Variants in MAGI2 observed in about 807,000 individuals in gnomAD.
MAGI2 encodes membrane-associated guanylate kinase, WW and PDZ domain-containing protein 2.
Under a neutral mutation model 133.3 loss-of-function variants are expected in MAGI2, and 35 were observed. The ratio of observed to expected loss-of-function variants is 0.26; its 90% CI spans 0.20 to 0.35. The LOEUF (loss-of-function observed/expected upper bound fraction) is 0.35. Among genes scored for constraint, MAGI2 ranks in the 10% least tolerant of loss-of-function variants. MAGI2 has a pLI of 1.00. For missense variants in MAGI2, 1,636 were observed against 1,863.4 expected, an observed-to-expected ratio of 0.88 and a Z score of 2.25; for synonymous variants, 729 against 710.6, an observed-to-expected ratio of 1.03 and a Z score of -0.41.
chr7:79,251,381 A>C (rs1833256470), intron 1 of MAGI2, among the ~76,000 whole-genome samples: 1 of 152,098 alleles, frequency 6.6e-6, no homozygotes, highest in Admixed American at 6.6e-5. Context: ...AGTTCAAACA[A>C]CTCTATAGAA....
chr7:78,311,340 A>T (rs1056315373), intron 9 of MAGI2, among the ~76,000 whole-genome samples: 1 of 152,218 alleles, frequency 6.6e-6, no homozygotes, highest in Non-Finnish European at 1.5e-5. Context: ...GCAGAATTTC[A>T]AGGAGAATTG....
intron 1 of MAGI2, among the ~76,000 whole-genome samples, chr7:79,062,227 G>A (rs767484498): frequency 2.0e-5 from 3 of 152,000 alleles, no homozygotes; most frequent in Non-Finnish European, 4.4e-5. Context: ...TGATTCCAAT[G>A]CCACAGCTCA....
At chr7:79,396,444 T>G (rs1485851694) in intron 1 of MAGI2, among the ~76,000 whole-genome samples, 1 of 152,154 alleles carries the variant, frequency 6.6e-6, no homozygotes, top group East Asian at 1.9e-4. Context: ...GAATAAAATG[T>G]AAGGAGGCAC....
At chr7:79,224,688 C>T (rs1323892549) in intron 1 of MAGI2, among the ~76,000 whole-genome samples, 1 of 150,856 alleles carries the variant, frequency 6.6e-6, no homozygotes, top group Non-Finnish European at 1.5e-5. Flanking sequence ...CTCTCATATG[C>T]TTTACGCTAA....
intron 6 of MAGI2, among the ~76,000 whole-genome samples, chr7:78,473,838 T>C (rs1360449842): frequency 6.6e-6 from 1 of 151,750 alleles, no homozygotes; most frequent in Admixed American, 6.6e-5. Flanking sequence ...ACAGACCAAA[T>C]GAAAAAGCCC....
At chr7:78,322,756 T>TA (rs574894297) in intron 9 of MAGI2, among the ~76,000 whole-genome samples, 90 of 151,482 alleles carry the variant, frequency 5.9e-4, no homozygotes, top group Middle Eastern at 3.4e-3. Context: ...ATTTAATGTA[T>TA]AAAAAAAAAT....
chr7:78,602,591 G>A (rs1373483030), intron 3 of MAGI2, among the ~76,000 whole-genome samples: 1 of 151,920 alleles, frequency 6.6e-6, no homozygotes, highest in Non-Finnish European at 1.5e-5. Context: ...TTATCTAAGA[G>A]CATTAAAAAA....
At chr7:79,119,469 A>G (rs781277892) in intron 1 of MAGI2, among the ~76,000 whole-genome samples, 9 of 152,122 alleles carry the variant, frequency 5.9e-5, no homozygotes, top group Non-Finnish European at 1.2e-4. Flanking sequence ...GTTCAGATGA[A>G]TCAATCCAAG....
chr7:78,469,987 G>A (rs1403856640), intron 6 of MAGI2, among the ~76,000 whole-genome samples: 4 of 152,160 alleles, frequency 2.6e-5, no homozygotes, highest in East Asian at 3.9e-4. Flanking sequence ...ATGTGGCTTC[G>A]CTAAATGCCG....
intron 2 of MAGI2, among the ~76,000 whole-genome samples, chr7:78,899,317 T>C (rs1797434666): frequency 6.6e-6 from 1 of 152,190 alleles, no homozygotes. Flanking sequence ...GTTGGTTATA[T>C]ATACTTAAAT....
At chr7:79,048,061 C>G (rs1812340037) in intron 1 of MAGI2, among the ~76,000 whole-genome samples, 1 of 152,082 alleles carries the variant, frequency 6.6e-6, no homozygotes, top group Non-Finnish European at 1.5e-5. Context: ...CTTGGCATGT[C>G]CTTTGTTTTA....
chr7:78,876,321 C>CAAAAAAAAAAA lies in MAGI2; in HGVS notation c.418+130758_418+130768dup, dbSNP rs57950337. Among the ~76,000 whole-genome samples the CAAAAAAAAAAA allele has an allele frequency of 3.6e-3, 288 of 79,646 alleles. 9 individuals are homozygous for CAAAAAAAAAAA. Among genetic ancestry groups the CAAAAAAAAAAA allele is most frequent in the Non-Finnish European group, 4.7e-3 (193 of 40,882 alleles). The allele number at this position is 79,646 out of a possible 152,430, so 52.3% of individuals were successfully genotyped here. On this transcript the variant is annotated intron_variant, in intron 2 of 21. Transcript: ENST00000354212. ...CGGGTGACAGAGCAAGACTCCGTCT[C>CAAAAAAAAAAA]AAAAAAAAAAAAAAAAAAAAATTGG...
chr7:79,052,989 T>C (rs1334999426), intron 1 of MAGI2, among the ~76,000 whole-genome samples: 2 of 152,078 alleles, frequency 1.3e-5, no homozygotes, highest in East Asian at 1.9e-4. Flanking sequence ...AGAGGCAACA[T>C]GAACTACTCT....
At chr7:79,413,988 G>A (rs10238676) in intron 1 of MAGI2, 44 of 152,122 alleles carry the variant, frequency 2.9e-4, no homozygotes, top group African/African-American at 9.7e-4. Flanking sequence ...AACCCAGGGA[G>A]AGAAATCCTG....
rs189158488 is a variant in MAGI2, at chr7:78,237,750, T to C, written c.2047+18193A>G. The stretch of plus-strand genomic sequence containing the variant: ...AAATAAAGATCACCCAGGATAATAA[T>C]GAAGAGACAATGTGTATTCCGCCTC... On this transcript the variant is annotated intron_variant, in intron 10 of 21. Coordinates refer to ENST00000354212, the MANE Select transcript of MAGI2 (RefSeq NM_012301.4). 2.5e-3 allele frequency among the ~76,000 whole-genome samples: 386 copies of C among 152,248 alleles called. 3 individuals are homozygous for C. The highest frequency in any genetic ancestry group is 8.9e-3 in the African/African-American group (368 of 41,544).
At position 78,931,752 on chromosome 7, in the gene MAGI2, C is replaced by T. The variant is rs563605483; in HGVS notation, c.418+75338G>A. On this transcript the variant is annotated intron_variant, in intron 2 of 21. Coordinates refer to ENST00000354212, the MANE Select transcript of MAGI2 (RefSeq NM_012301.4). ...TACTCCTACACCACAGGGTAACTTG[C>T]TTGTAAATTATTATATCATAGCAAC... Among the ~76,000 whole-genome samples, 5 of 152,184 alleles carry T rather than the reference C, an allele frequency of 3.3e-5. No homozygotes were observed. The South Asian group carries it at 6.2e-4, about 19-fold the overall frequency.
chr7:78,826,325 C>G (rs1269671312), intron 2 of MAGI2, among the ~76,000 whole-genome samples: 2 of 145,604 alleles, frequency 1.4e-5, no homozygotes, highest in Non-Finnish European at 3.0e-5. Context: ...CTGCACTCAG[C>G]CTAGGCGACA....
intron 2 of MAGI2, among the ~76,000 whole-genome samples, chr7:78,692,378 T>C (rs943072834): frequency 6.6e-6 from 1 of 152,186 alleles, no homozygotes; most frequent in Non-Finnish European, 1.5e-5. Context: ...TGTGATACCT[T>C]AGGGAGCATC....
intron 1 of MAGI2, among the ~76,000 whole-genome samples, chr7:79,250,120 T>A (rs906524927): frequency 2.0e-5 from 3 of 151,850 alleles, no homozygotes. Flanking sequence ...CTCAAAAAAC[T>A]GGGTATAGAA....
Sources: allele counts gnomAD v4.1 joint callset (sites outside exome capture counted in the v4.1 genomes callset), GRCh38; gene constraint gnomAD v4.1.1; transcripts MANE v1.5; gene names NCBI Gene and HGNC (gene_info 2026-07-23, HGNC 2026-07-21).